ROBO1: variants seen among roughly 807,000 people sequenced by gnomAD.
ROBO1 encodes the protein roundabout guidance receptor 1.
Under a neutral mutation model 195.9 loss-of-function variants are expected in ROBO1, and 149 were observed. The ratio of observed to expected loss-of-function variants is 0.76; its 90% CI spans 0.67 to 0.87. ROBO1 has a LOEUF of 0.87. Among genes scored for constraint, ROBO1 ranks in the 40% least tolerant of loss-of-function variants. ROBO1 has a pLI of 0.00. For synonymous variants in ROBO1, 816 were observed against 733.2 expected (o/e 1.11, Z -1.82); for missense variants, 1,933 against 2,068.3 (o/e 0.93, Z 1.27).
intron 1 of ROBO1, among the ~76,000 whole-genome samples, chr3:79,619,564 G>C (rs1028571654): frequency 6.6e-6 from 1 of 152,052 alleles, no homozygotes; most frequent in Non-Finnish European, 1.5e-5. Context: ...CTGGCTTACA[G>C]TTTTGTTCCA....
At chr3:79,705,002 G>A (rs1947725670) in intron 1 of ROBO1, among the ~76,000 whole-genome samples, 1 of 151,818 alleles carries the variant, frequency 6.6e-6, no homozygotes, top group South Asian at 2.1e-4. Flanking sequence ...GGTGTCTGTT[G>A]AGGTCTTTGT....
At chr3:79,371,289 T>A (rs1198981994) in intron 2 of ROBO1, among the ~76,000 whole-genome samples, 1 of 152,206 alleles carries the variant, frequency 6.6e-6, no homozygotes, top group Non-Finnish European at 1.5e-5. Context: ...TTGAACTAGA[T>A]ATTAATATTT....
intron 1 of ROBO1, among the ~76,000 whole-genome samples, chr3:79,736,088 TG>T (rs1427954191): frequency 6.6e-6 from 1 of 151,990 alleles, no homozygotes; most frequent in East Asian, 1.9e-4. Context: ...CTTAGAAGAG[TG>T]AGGAACTCCT....
At chr3:78,937,436 T>C (rs2039874534) in intron 4 of ROBO1, among the ~76,000 whole-genome samples, 1 of 151,996 alleles carries the variant, frequency 6.6e-6, no homozygotes, top group South Asian at 2.1e-4. Context: ...TTTATATAGT[T>C]TTATAGAGAA....
chr3:79,233,756 C>G (rs2082358919), intron 2 of ROBO1, among the ~76,000 whole-genome samples: 2 of 152,068 alleles, frequency 1.3e-5, no homozygotes, highest in Admixed American at 1.3e-4. Flanking sequence ...GAGAAATCTC[C>G]CAACTCCTTT....
intron 4 of ROBO1, among the ~76,000 whole-genome samples, chr3:78,851,362 T>C (rs545611754): frequency 3.3e-5 from 5 of 152,332 alleles, no homozygotes; most frequent in Non-Finnish European, 5.9e-5. Context: ...TAAAAGCACA[T>C]GCTTCTTAGT....
intron 3 of ROBO1, among the ~76,000 whole-genome samples, chr3:79,100,587 T>C (rs1559659113): frequency 6.6e-6 from 1 of 151,754 alleles, no homozygotes; most frequent in Non-Finnish European, 1.5e-5. Context: ...CGTGATCCTA[T>C]CATCCTATCT....
At chr3:78,952,576 G>T (rs1202879820) in intron 3 of ROBO1, among the ~76,000 whole-genome samples, 1 of 151,684 alleles carries the variant, frequency 6.6e-6, no homozygotes, top group African/African-American at 2.4e-5. Flanking sequence ...AAATAAGAAG[G>T]CAGCACCCAT....
intron 2 of ROBO1, among the ~76,000 whole-genome samples, chr3:79,407,886 T>C (rs2037610514): frequency 1.3e-5 from 2 of 152,170 alleles, no homozygotes; most frequent in African/African-American, 2.4e-5. Context: ...CTGTAAACAA[T>C]GGACTCTTCT....
At chr3:78,840,932 G>T (rs2033148857) in intron 4 of ROBO1, among the ~76,000 whole-genome samples, 3 of 151,276 alleles carry the variant, frequency 2.0e-5, no homozygotes, top group Admixed American at 6.6e-5. Flanking sequence ...CGTGGTGGTG[G>T]GCGCCTGTAG....
At chr3:78,782,984 T>C (rs923485321) in intron 4 of ROBO1, among the ~76,000 whole-genome samples, 3 of 152,192 alleles carry the variant, frequency 2.0e-5, no homozygotes, top group Admixed American at 1.3e-4. Context: ...GGCAATCATA[T>C]AGGCACTGTG....
intron 4 of ROBO1, among the ~76,000 whole-genome samples, chr3:78,815,814 C>T (rs937379300): frequency 1.3e-5 from 2 of 152,174 alleles, no homozygotes; most frequent in South Asian, 4.1e-4. Flanking sequence ...ATTTCCACCA[C>T]ATCTGCAATT....
chr3:79,086,902 A>C (rs1369710457), intron 3 of ROBO1, among the ~76,000 whole-genome samples: 3 of 152,116 alleles, frequency 2.0e-5, no homozygotes, highest in Admixed American at 2.0e-4. Flanking sequence ...CTTTTATAGG[A>C]GCATTTTGGG....
intron 2 of ROBO1, among the ~76,000 whole-genome samples, chr3:79,433,067 T>G (rs1031505689): frequency 2.0e-5 from 3 of 152,322 alleles, no homozygotes; most frequent in Admixed American, 2.0e-4. Context: ...TGTGTGGGTA[T>G]GTTACATAGT....
At chr3:79,280,560 T>C (rs1380661620) in intron 2 of ROBO1, among the ~76,000 whole-genome samples, 3 of 152,254 alleles carry the variant, frequency 2.0e-5, no homozygotes, top group Non-Finnish European at 2.9e-5. Context: ...TAAGAGTTTC[T>C]TGTACCTTAA....
chr3:78,930,453 A>C (rs974684316), intron 4 of ROBO1, among the ~76,000 whole-genome samples: 12 of 152,180 alleles, frequency 7.9e-5, no homozygotes, highest in African/African-American at 2.7e-4. Flanking sequence ...AGAGAGTGAC[A>C]GGTGGACTTG....
In ROBO1 at chr3:79,312,716, G is replaced by C. The variant is rs186055389; in HGVS notation, c.89-187177C>G. On this transcript the variant is annotated intron_variant, in intron 2 of 30. Transcript: ENST00000464233. ...CACTGACAACTCAACCAGTTCTGAG[G>C]TTCACCACACATGCATTTGTAAAAT... Among the ~76,000 whole-genome samples, 212 of 152,084 alleles carry C rather than the reference G, an allele frequency of 1.4e-3. 1 individual carries two copies. Among genetic ancestry groups the C allele is most frequent in the African/African-American group, 4.9e-3 (204 of 41,502 alleles).
At chr3:79,064,503 C>T (rs1255463273) in intron 3 of ROBO1, among the ~76,000 whole-genome samples, 1 of 151,510 alleles carries the variant, frequency 6.6e-6, no homozygotes, top group Non-Finnish European at 1.5e-5. Flanking sequence ...TTGACACAAA[C>T]ATCCAGAAAA....
At chr3:79,626,255 G>A (rs991253105) in intron 1 of ROBO1, among the ~76,000 whole-genome samples, 2 of 152,074 alleles carry the variant, frequency 1.3e-5, no homozygotes, top group African/African-American at 2.4e-5. Flanking sequence ...GACCATCCTG[G>A]TGAACATGGT....
Sources: allele counts gnomAD v4.1 joint callset (sites outside exome capture counted in the v4.1 genomes callset), GRCh38; gene constraint gnomAD v4.1.1; transcripts MANE v1.5; gene names NCBI Gene and HGNC (gene_info 2026-07-23, HGNC 2026-07-21).